DCC: variants seen among roughly 807,000 people sequenced by gnomAD.
DCC encodes DCC netrin 1 receptor, also known as netrin receptor DCC.
In DCC, 58 loss-of-function variants were observed where a neutral mutation model predicts 172.5. That is an observed-to-expected ratio of 0.34 (90% CI 0.27 to 0.42). DCC has a LOEUF of 0.42. Ranked by LOEUF, DCC falls within the 10% of genes least tolerant of loss-of-function variation. The pLI is 1.00. For synonymous variants in DCC, 709 were observed against 644.5 expected, an observed-to-expected ratio of 1.10 and a Z score of -1.52; for missense variants, 1,740 against 1,791.0, an observed-to-expected ratio of 0.97 and a Z score of 0.51.
chr18:52,726,967 G>T (rs118178944), intron 1 of DCC, among the ~76,000 whole-genome samples: 7,434 of 152,242 alleles, frequency 0.049, 236 homozygotes, highest in Middle Eastern at 0.13. Context: ...AACTCCTAAT[G>T]CTTAAAATTT....
At chr18:53,325,333 A>C (rs1348749642) in intron 14 of DCC, among the ~76,000 whole-genome samples, 2 of 152,170 alleles carry the variant, frequency 1.3e-5, no homozygotes, top group African/African-American at 4.8e-5. Flanking sequence ...GATTCTAAGA[A>C]GTGAGATCAC....
rs115334877 is a variant in DCC at position 52,415,712 on chromosome 18, A to T, written c.91+74834A>T. On this transcript the variant is annotated intron_variant, in intron 1 of 28. Coordinates refer to ENST00000442544, the MANE Select transcript of DCC (RefSeq NM_005215.4). ...ACTGGCAGTGGGGAACAGCTTTTTG[A>T]AACGTGAAGCCTGTTTATCATTTTT... Among the ~76,000 whole-genome samples the T allele has an allele frequency of 4.9e-3, 740 of 152,216 alleles. 9 individuals carry two copies. The highest frequency in any genetic ancestry group is 0.017 in the African/African-American group (706 of 41,566).
chr18:52,357,942 A>C (rs1330818328), intron 1 of DCC, among the ~76,000 whole-genome samples: 1 of 141,710 alleles, frequency 7.1e-6, no homozygotes, highest in Non-Finnish European at 1.6e-5. Flanking sequence ...TGTGTAAAAA[A>C]AAAAAAAAAA....
chr18:53,429,782 CAG>C (rs1911491329), intron 21 of DCC, among the ~76,000 whole-genome samples: 1 of 152,104 alleles, frequency 6.6e-6, no homozygotes, highest in Non-Finnish European at 1.5e-5. Flanking sequence ...CAATATTGGA[CAG>C]GCATAGCAGT....
At chr18:53,242,201 G>C (rs1411935302) in intron 12 of DCC, among the ~76,000 whole-genome samples, 1 of 152,048 alleles carries the variant, frequency 6.6e-6, no homozygotes, top group African/African-American at 2.4e-5. Context: ...AAATTTCAAG[G>C]GAAGACAAGT....
At chr18:53,441,476 A>T (rs1912270738) in intron 22 of DCC, among the ~76,000 whole-genome samples, 1 of 151,886 alleles carries the variant, frequency 6.6e-6, no homozygotes, top group South Asian at 2.1e-4. Flanking sequence ...TTATCATGAG[A>T]TCTCCACCCC....
chr18:53,074,754 C>T (rs1344996965), intron 7 of DCC, among the ~76,000 whole-genome samples: 1 of 152,068 alleles, frequency 6.6e-6, no homozygotes, highest in Non-Finnish European at 1.5e-5. Flanking sequence ...ATAATACTCA[C>T]CTAGTGTATG....
In DCC at chr18:53,467,907, G is replaced by A; in HGVS notation, c.3633G>A (p.Glu1211=). 1 of 1,598,930 alleles carries A rather than the reference G, an allele frequency of 6.3e-7. No homozygotes were observed. The highest frequency in any genetic ancestry group is 8.6e-7 in the Non-Finnish European group (1 of 1,166,222). The change falls in exon 25 of 29, where the codon GAG becomes GAA. Residue 1211 remains glutamate (E), a synonymous_variant. Transcript: ENST00000442544. ...TGTATTTTTTAGGTCAAGACACTGA[G>A]GAAGCAGGGAGCTCTATGTCCACTC... The part of the protein sequence containing the change: ...KSTSHSGQDT[E]EAGSSMSTLE...
intron 15 of DCC, among the ~76,000 whole-genome samples, chr18:53,384,831 G>T (rs1326811802): frequency 6.8e-6 from 1 of 146,424 alleles, no homozygotes; most frequent in African/African-American, 2.5e-5. Flanking sequence ...ATTTTGTAAA[G>T]AAGTTTACCT....
At chr18:52,425,458 T>A (rs1327591597) in intron 1 of DCC, among the ~76,000 whole-genome samples, 1 of 152,102 alleles carries the variant, frequency 6.6e-6, no homozygotes, top group Non-Finnish European at 1.5e-5. Context: ...TCAAGGTTGG[T>A]GCTACCATGC....
At chr18:52,418,858 C>CTTTCT (rs1555680301) in intron 1 of DCC, among the ~76,000 whole-genome samples, 3 of 93,020 alleles carry the variant, frequency 3.2e-5, no homozygotes, top group Admixed American at 2.3e-4. Context: ...TTCTTTCTTT[C>CTTTCT]TTTTTTTTTT....
chr18:52,815,745 A>G (rs913785805), intron 2 of DCC, among the ~76,000 whole-genome samples: 1 of 152,224 alleles, frequency 6.6e-6, no homozygotes. Flanking sequence ...TCAATAAATC[A>G]TAAGTAATAA....
Position 53,163,907 on chromosome 18 carries a change from T to C in DCC, c.1418+6395T>C, listed in dbSNP as rs114380719. Among the ~76,000 whole-genome samples, 1,315 of 152,324 alleles carry C rather than the reference T, an allele frequency of 8.6e-3. 19 individuals carry two copies. The highest frequency in any genetic ancestry group is 0.03 in the African/African-American group (1,234 of 41,564). Reference sequence around the variant, plus strand: ...ATCAACAGTGACAGCAAGCATTTATTGGGCACTTACTCTGCCAGATACTAG... The same window carrying C: ...ATCAACAGTGACAGCAAGCATTTATCGGGCACTTACTCTGCCAGATACTAG... On this transcript the variant is annotated intron_variant, in intron 8 of 28. Transcript: ENST00000442544.
At position 52,925,348 on chromosome 18, in the gene DCC, C is replaced by T. The variant is rs1363875274; in HGVS notation, c.963C>T (p.Ala321=). The change falls in exon 5 of 29, where the codon GCC becomes GCT. Residue 321 remains alanine (A), a synonymous_variant. Transcript: ENST00000442544. ...CATATAAAAATGAGAATATTAGTGCCTCTGCAGAGCTCACAGTCTTGGGTA... is the reference window on the plus strand; with the variant it reads ...CATATAAAAATGAGAATATTAGTGCTTCTGCAGAGCTCACAGTCTTGGGTA... ...VVTYKNENIS[A]SAELTVLVPP... 1 of 1,612,350 alleles carries T rather than the reference C, an allele frequency of 6.2e-7. No individual in the cohort carries two copies. The highest frequency in any genetic ancestry group is 1.7e-5 in the Admixed American group (1 of 59,924).
In DCC at chr18:53,530,813, A is replaced by C; in HGVS notation, c.*160A>C. ...ATCCTGAAGCAGTTCAGAAGGAATA[A>C]GCATTCCTTCTTTCACAGGCATCAG... On this transcript the variant is annotated 3_prime_UTR_variant, in exon 29 of 29. Transcript: ENST00000442544. The C allele has an allele frequency of 1.5e-6, 1 of 687,306 alleles. No homozygotes were observed. Among genetic ancestry groups the C allele is most frequent in the South Asian group, 1.5e-5 (1 of 66,064 alleles). 42.6% of individuals were successfully genotyped at this position (687,306 alleles called of 1,614,324 possible).
chr18:53,283,656 G>A (rs1295410441), intron 12 of DCC, among the ~76,000 whole-genome samples: 3 of 152,018 alleles, frequency 2.0e-5, no homozygotes, highest in East Asian at 1.9e-4. Flanking sequence ...TAACTTCTAC[G>A]ATTCTATAAA....
At chr18:52,916,766 C>T (rs1741000544) in intron 3 of DCC, among the ~76,000 whole-genome samples, 1 of 152,060 alleles carries the variant, frequency 6.6e-6, no homozygotes, top group Admixed American at 6.6e-5. Context: ...CAAAGTACAC[C>T]TCCCTTTTCC....
chr18:52,410,540 G>C (rs1482663471), intron 1 of DCC, among the ~76,000 whole-genome samples: 2 of 152,166 alleles, frequency 1.3e-5, no homozygotes, highest in African/African-American at 4.8e-5. Flanking sequence ...ACCATGTAGG[G>C]TGGTTGCTGT....
chr18:52,709,193 G>C (rs1396546870), intron 1 of DCC, among the ~76,000 whole-genome samples: 1 of 152,160 alleles, frequency 6.6e-6, no homozygotes, highest in Non-Finnish European at 1.5e-5. Flanking sequence ...TAAATAATGA[G>C]TTCAAGGTGA....
Sources: allele counts gnomAD v4.1 joint callset (sites outside exome capture counted in the v4.1 genomes callset), GRCh38; gene constraint gnomAD v4.1.1; transcripts MANE v1.5; gene names NCBI Gene and HGNC (gene_info 2026-07-23, HGNC 2026-07-21).